Variants in PHF21B observed in about 807,000 individuals in gnomAD.
The protein encoded by PHF21B is PHD finger protein 21B.
Under a neutral mutation model 62.2 loss-of-function variants are expected in PHF21B, and 22 were observed. That is an observed-to-expected ratio of 0.35 (90% CI 0.25 to 0.51). The LOEUF (loss-of-function observed/expected upper bound fraction) is 0.51. PHF21B is among the 20% of genes least tolerant of loss of function. The pLI is 0.97. For missense variants in PHF21B, 701 were observed against 707.9 expected (o/e 0.99, Z 0.11); for synonymous variants, 341 against 314.7 (o/e 1.08, Z -0.88).
At chr22:44,887,372 T>C (rs2070877983) in intron 10 of PHF21B, among the ~76,000 whole-genome samples, 1 of 152,098 alleles carries the variant, frequency 6.6e-6, no homozygotes, top group Non-Finnish European at 1.5e-5. Context: ...GTAAAGCCTG[T>C]TTTTTATCTT....
intron 5 of PHF21B, among the ~76,000 whole-genome samples, chr22:44,905,940 C>G (rs1057258347): frequency 6.6e-6 from 1 of 152,230 alleles, no homozygotes; most frequent in African/African-American, 2.4e-5. Flanking sequence ...TTACCCTTCC[C>G]TTTCAGCAAG....
At chr22:44,986,580 C>A (rs1267412567) in intron 2 of PHF21B, among the ~76,000 whole-genome samples, 4 of 150,812 alleles carry the variant, frequency 2.7e-5, no homozygotes, top group Non-Finnish European at 5.9e-5. Context: ...GGCTCAGTGA[C>A]CCCCACATGT....
chr22:44,883,214 G>C lies in PHF21B; in HGVS notation c.1468C>G (p.Gln490Glu). 6.2e-7 allele frequency: 1 copy of C among 1,613,870 alleles called. No individual in the cohort carries two copies. The part of the protein sequence containing the change: ...DRLRALLRLI[Q>E]GEQLLQVTMT... ...GTGACCTGGAGCAGCTGCTCGCCCT[G>C]TATCAGTCTCAGGAGGGCCCGCAGG... Residue 490 changes from glutamine to glutamate, a missense_variant, in exon 13 of 13, where the codon CAG becomes GAG. Transcript: ENST00000313237.
At chr22:44,973,501 G>A (rs368100359) in intron 2 of PHF21B, among the ~76,000 whole-genome samples, 1 of 152,150 alleles carries the variant, frequency 6.6e-6, no homozygotes, top group Non-Finnish European at 1.5e-5. Context: ...GAACTGGGAG[G>A]AACAAAAAGG....
intron 7 of PHF21B, 112 bp downstream of exon 7, chr22:44,893,345 G>T (rs1569210695): frequency 2.0e-6 from 2 of 1,005,400 alleles, no homozygotes; most frequent in Non-Finnish European, 2.9e-6. Context: ...AGGAGGGACA[G>T]ACGAGGGGGG....
intron 3 of PHF21B, among the ~76,000 whole-genome samples, chr22:44,917,184 C>A (rs1323929525): frequency 6.6e-6 from 1 of 152,202 alleles, no homozygotes; most frequent in African/African-American, 2.4e-5. Context: ...AGCCGGGCAG[C>A]CACTGGGTGG....
At chr22:44,917,282 T>A (rs2071455255) in intron 3 of PHF21B, among the ~76,000 whole-genome samples, 1 of 152,110 alleles carries the variant, frequency 6.6e-6, no homozygotes, top group African/African-American at 2.4e-5. Context: ...CTGGGCCAGG[T>A]CCCTCATCTG....
At chr22:44,939,255 T>C (rs2071908600) in intron 2 of PHF21B, among the ~76,000 whole-genome samples, 1 of 152,188 alleles carries the variant, frequency 6.6e-6, no homozygotes, top group Admixed American at 6.5e-5. Flanking sequence ...GAGACGCTCC[T>C]TCACCCACGG....
intron 5 of PHF21B, among the ~76,000 whole-genome samples, chr22:44,910,425 G>T (rs144656451): frequency 6.6e-6 from 1 of 152,124 alleles, no homozygotes; most frequent in African/African-American, 2.4e-5. Flanking sequence ...CTGTGATATG[G>T]TTTGGTTGTG....
At chr22:44,948,533 A>AT (rs1304457425) in intron 2 of PHF21B, among the ~76,000 whole-genome samples, 2 of 152,004 alleles carry the variant, frequency 1.3e-5, no homozygotes, top group African/African-American at 4.8e-5. Flanking sequence ...ATAAAATAAA[A>AT]AAAAACATTT....
intron 2 of PHF21B, among the ~76,000 whole-genome samples, chr22:44,957,005 C>T (rs563797798): frequency 6.6e-6 from 1 of 152,328 alleles, no homozygotes; most frequent in Non-Finnish European, 1.5e-5. Context: ...CCATCCTCGT[C>T]CCAGCCCTCC....
rs760780800 is a variant in PHF21B, at chr22:44,893,460, G to C, written c.957C>G (p.Thr319=). 2 of 1,595,654 alleles carry C rather than the reference G, an allele frequency of 1.3e-6. No individual in the cohort carries two copies. The highest frequency in any genetic ancestry group is 1.7e-5 in the Admixed American group (1 of 57,690). Residue 319 remains threonine, a synonymous_variant, in exon 7 of 13, where the codon ACC becomes ACG. Transcript: ENST00000313237. The part of the protein sequence containing the change: ...ANPAYSGLLE[T]ERKRLASNYL... ...ATGGGGCTGGCGGGTTCCCCACCTC[G>C]GTCTCCAGGAGGCCGCTGTAGGCAG...
At chr22:44,892,936 C>T (rs149885498) in intron 7 of PHF21B, among the ~76,000 whole-genome samples, 3 of 152,146 alleles carry the variant, frequency 2.0e-5, no homozygotes, top group East Asian at 3.9e-4. Flanking sequence ...TGTAGGCTCT[C>T]GGATTCCCAC....
Position 45,009,607 on chromosome 22 carries a change from G to A in PHF21B, c.-58C>T, listed in dbSNP as rs2073388520. On this transcript the variant is annotated 5_prime_UTR_variant, in exon 1 of 13. Transcript: ENST00000313237. This position sits in a 1 kb window ranked among gnomAD's most constrained non-coding sequence, Gnocchi z 5.9. Reference sequence around the variant, plus strand: ...TTGGCCCGGGCTCCCGGGAAGTTGCGCGGCTCCGCGGGGGCCAGAGCGGGC... The same window carrying A: ...TTGGCCCGGGCTCCCGGGAAGTTGCACGGCTCCGCGGGGGCCAGAGCGGGC... 2.6e-5 allele frequency: 38 copies of A among 1,488,516 alleles called. No individual in the cohort carries two copies. The South Asian group carries it at 5.0e-4, about 19-fold the overall frequency. The allele number at this position is 1,488,516 out of a possible 1,614,324, so 92.2% of individuals were successfully genotyped here. A position where few individuals can be genotyped will look rare whatever the true frequency, so the allele number is the denominator to read the frequency against.
chr22:44,892,208 C>CA lies in PHF21B; in HGVS notation c.961-849dup, dbSNP rs563636498. 3.0e-3 allele frequency among the ~76,000 whole-genome samples: 462 copies of CA among 152,352 alleles called. 3 individuals carry two copies. Among genetic ancestry groups the CA allele is most frequent in the African/African-American group, 0.011 (442 of 41,584 alleles). On this transcript the variant is annotated intron_variant, in intron 7 of 12. Transcript: ENST00000313237. ...CTTGGGTGGAGGCTGAAAACACCTC[C>CA]ACGATGTTCTTACGAAGGGTCCGAG...
chr22:45,002,286 G>A (rs1055329167), intron 2 of PHF21B, among the ~76,000 whole-genome samples: 2 of 152,150 alleles, frequency 1.3e-5, no homozygotes, highest in African/African-American at 4.8e-5. Context: ...AATGTAACTG[G>A]TAAACATGTA....
At chr22:44,968,788 CCTTT>C (rs1245789159) in intron 2 of PHF21B, among the ~76,000 whole-genome samples, 3 of 152,132 alleles carry the variant, frequency 2.0e-5, no homozygotes, top group East Asian at 1.9e-4. Context: ...ATGAGTGCTT[CCTTT>C]GAGTGTCCCA....
chr22:44,938,069 T>A (rs950345036), intron 2 of PHF21B, among the ~76,000 whole-genome samples: 2 of 152,262 alleles, frequency 1.3e-5, no homozygotes, highest in Admixed American at 6.5e-5. Context: ...TCTCAAATTT[T>A]AAAAATCTAT....
intron 3 of PHF21B, among the ~76,000 whole-genome samples, chr22:44,920,160 A>G (rs1024042801): frequency 1.3e-5 from 2 of 152,238 alleles, no homozygotes; most frequent in Non-Finnish European, 2.9e-5. Flanking sequence ...TCCATTTTAA[A>G]AAATTCTGGT....
Sources: gnomAD v4.1 joint callset for allele counts (sites outside exome capture counted in the v4.1 genomes callset) on GRCh38, gnomAD v4.1.1 for gene constraint, Gnocchi (gnomAD v3.1) non-coding constraint, MANE v1.5 for transcripts, NCBI Gene and HGNC (gene_info 2026-07-23, HGNC 2026-07-21) for gene names.